Variants in B3GLCT observed in about 807,000 individuals in gnomAD.
B3GLCT encodes the protein beta-1,3-glucosyltransferase.
In B3GLCT, 65 loss-of-function variants were observed where a neutral mutation model predicts 63.4. That is an observed-to-expected ratio of 1.03 (90% CI 0.84 to 1.26). The LOEUF is 1.26. B3GLCT is among the 50% of genes most tolerant of loss of function. The pLI, the probability that B3GLCT is intolerant of heterozygous loss-of-function variation, is 0.00. For synonymous variants in B3GLCT, 233 were observed against 219.2 expected, an observed-to-expected ratio of 1.06 and a Z score of -0.55; for missense variants, 577 against 604.8, an observed-to-expected ratio of 0.95 and a Z score of 0.48.
chr13:31,253,595 C>CAA (rs35512327), intron 6 of B3GLCT, among the ~76,000 whole-genome samples: 420 of 18,420 alleles, frequency 0.023, 97 homozygotes, highest in African/African-American at 0.08. Flanking sequence ...GACTCCATCT[C>CAA]AAAAAAAAAA....
At chr13:31,328,984 A>T (rs560049734) in intron 14 of B3GLCT, among the ~76,000 whole-genome samples, 1 of 152,220 alleles carries the variant, frequency 6.6e-6, no homozygotes, top group Admixed American at 6.5e-5. Flanking sequence ...GGAAGAGAGC[A>T]TGAGTTACAT....
intron 2 of B3GLCT, among the ~76,000 whole-genome samples, chr13:31,220,293 CT>C (rs1178017513): frequency 6.6e-6 from 1 of 152,164 alleles, no homozygotes; most frequent in Non-Finnish European, 1.5e-5. Context: ...TTGTTCAAAT[CT>C]TTTGTGACTT....
Position 31,253,611 on chromosome 13 carries a change from A to C in B3GLCT, c.459+5645A>C, listed in dbSNP as rs1298417392. On this transcript the variant is annotated intron_variant, in intron 6 of 14. Transcript: ENST00000343307. ...ACTCCATCTCAAAAAAAAAAAAAAA[A>C]AAAAAAAAAACTAGAGAAGCAAGAG... Among the ~76,000 whole-genome samples the C allele has an allele frequency of 1.4e-5, 2 of 147,046 alleles. 1 individual carries two copies. The highest frequency in any genetic ancestry group is 5.0e-5 in the African/African-American group (2 of 40,000).
At chr13:31,310,271 G>A (rs1874637532) in intron 12 of B3GLCT, among the ~76,000 whole-genome samples, 1 of 152,090 alleles carries the variant, frequency 6.6e-6, no homozygotes, top group Non-Finnish European at 1.5e-5. Flanking sequence ...CCCACTTTGG[G>A]TCCCGTCTTG....
chr13:31,251,219 T>G (rs1161823144), intron 6 of B3GLCT, among the ~76,000 whole-genome samples: 1 of 152,142 alleles, frequency 6.6e-6, no homozygotes. Flanking sequence ...GGTCACCGAC[T>G]TCAAAGACCA....
chr13:31,268,004 TA>T (rs201792491), intron 7 of B3GLCT, among the ~76,000 whole-genome samples: 6 of 152,086 alleles, frequency 3.9e-5, no homozygotes, highest in South Asian at 2.1e-4. Flanking sequence ...TTGACTAACT[TA>T]AAAATTTTTT....
intron 4 of B3GLCT, among the ~76,000 whole-genome samples, chr13:31,242,184 C>T (rs527896608): frequency 1.3e-5 from 2 of 152,284 alleles, no homozygotes; most frequent in Admixed American, 6.5e-5. Context: ...CTTGCTGCCT[C>T]CTGACTTGCA....
In B3GLCT at chr13:31,297,075, A is replaced by G. The variant is rs185659114; in HGVS notation, c.1064+10256A>G. On this transcript the variant is annotated intron_variant, in intron 12 of 14. Coordinates refer to ENST00000343307, the MANE Select transcript of B3GLCT (RefSeq NM_194318.4). Reference sequence around the variant, plus strand: ...TTTTACTTAGCATAATGTCTTCGAAATTTATCCGTGTTGTAGCATATTGCA... The same window carrying G: ...TTTTACTTAGCATAATGTCTTCGAAGTTTATCCGTGTTGTAGCATATTGCA... 2.6e-5 allele frequency among the ~76,000 whole-genome samples: 4 copies of G among 152,046 alleles called. No individual in the cohort carries two copies. In the East Asian group the frequency reaches 7.7e-4, roughly 29 times the overall value.
intron 8 of B3GLCT, among the ~76,000 whole-genome samples, chr13:31,272,677 A>G (rs1462553964): frequency 1.3e-5 from 2 of 152,190 alleles, no homozygotes; most frequent in Non-Finnish European, 2.9e-5. Context: ...TTATTAATCA[A>G]TAGCCAGAAA....
chr13:31,249,479 A>G (rs1871331082), intron 6 of B3GLCT, among the ~76,000 whole-genome samples: 1 of 152,202 alleles, frequency 6.6e-6, no homozygotes, highest in Admixed American at 6.5e-5. Context: ...TGGCTTGGGA[A>G]AAACTCCCAA....
chr13:31,274,614 T>G lies in B3GLCT; in HGVS notation c.766T>G (p.Phe256Val). Residue 256 changes from phenylalanine to valine, a missense_variant, in exon 9 of 15, where the codon TTT becomes GTT. By Grantham distance (50) the Phe-to-Val change is conservative. Coordinates refer to ENST00000343307, the MANE Select transcript of B3GLCT (RefSeq NM_194318.4). ...CTACTGTGCTACCACATTCCATTCT[T>G]TTCTACCGCTTTGTGTGAGTAACAG... is the stretch of plus-strand genomic sequence containing the variant. Reference protein sequence around the residue: ...DFYCATTFHSFLPLCRKPVKK... With the variant: ...DFYCATTFHSVLPLCRKPVKK... 1 of 1,614,244 alleles carries G rather than the reference T, an allele frequency of 6.2e-7. No homozygotes were observed. Among genetic ancestry groups the G allele is most frequent in the Non-Finnish European group, 8.5e-7 (1 of 1,180,032 alleles).
chr13:31,325,250 T>C (rs1875548755), intron 14 of B3GLCT, among the ~76,000 whole-genome samples: 1 of 152,216 alleles, frequency 6.6e-6, no homozygotes, highest in South Asian at 2.1e-4. Flanking sequence ...GATACTTACT[T>C]GTCCTTTAGG....
At chr13:31,293,756 A>G (rs1189551092) in intron 12 of B3GLCT, among the ~76,000 whole-genome samples, 3 of 152,014 alleles carry the variant, frequency 2.0e-5, no homozygotes, top group Admixed American at 6.6e-5. Context: ...TGACTCTTTT[A>G]TCCAATTTGC....
intron 12 of B3GLCT, among the ~76,000 whole-genome samples, chr13:31,297,130 C>T (rs552087538): frequency 6.6e-6 from 1 of 151,912 alleles, no homozygotes; most frequent in African/African-American, 2.4e-5. Flanking sequence ...GGCTGAATAA[C>T]ATTCCTTGGA....
At chr13:31,280,430 G>A (rs959209216) in intron 10 of B3GLCT, among the ~76,000 whole-genome samples, 1 of 151,840 alleles carries the variant, frequency 6.6e-6, no homozygotes, top group African/African-American at 2.4e-5. Flanking sequence ...AAATGATGAA[G>A]GAAAAAAATC....
chr13:31,237,563 CA>C (rs1402181233), intron 4 of B3GLCT, among the ~76,000 whole-genome samples: 2 of 152,166 alleles, frequency 1.3e-5, no homozygotes, highest in East Asian at 1.9e-4. Context: ...CCATGTTGGC[CA>C]GGCTTCTCTC....
intron 12 of B3GLCT, chr13:31,312,521 C>T (rs577559239): frequency 6.6e-6 from 1 of 152,104 alleles, no homozygotes; most frequent in African/African-American, 2.4e-5. Context: ...TTTAGTACAA[C>T]AAGAATGTGG....
chr13:31,264,765 G>A (rs1399222235), intron 7 of B3GLCT, among the ~76,000 whole-genome samples: 1 of 152,184 alleles, frequency 6.6e-6, no homozygotes, highest in Admixed American at 6.5e-5. Context: ...CCTAGTTGTT[G>A]TTTTCCCAAT....
intron 4 of B3GLCT, among the ~76,000 whole-genome samples, chr13:31,235,026 T>G (rs1870577981): frequency 6.6e-6 from 1 of 152,032 alleles, no homozygotes; most frequent in Non-Finnish European, 1.5e-5. Context: ...CAGACTGCTG[T>G]GTGCCCTCCA....
Sources: allele counts gnomAD v4.1 joint callset (sites outside exome capture counted in the v4.1 genomes callset), GRCh38; gene constraint gnomAD v4.1.1; transcripts MANE v1.5; gene names NCBI Gene and HGNC (gene_info 2026-07-23, HGNC 2026-07-21).